Variants in ABCB1 observed in about 807,000 individuals in gnomAD.
ABCB1 encodes the protein ATP-dependent translocase ABCB1.
A neutral mutation model predicts 142.0 loss-of-function variants in ABCB1; 69 were observed. That is an observed-to-expected ratio of 0.49 (90% CI 0.40 to 0.59). ABCB1 has a LOEUF of 0.59. Ranked by LOEUF, ABCB1 falls within the 20% of genes least tolerant of loss-of-function variation. The pLI is 0.00. For missense variants in ABCB1, 1,326 were observed against 1,554.7 expected (o/e 0.85, Z 2.47); for synonymous variants, 532 against 539.2 (o/e 0.99, Z 0.18).
chr7:87,573,997 C>A (rs1379635303), intron 4 of ABCB1, among the ~76,000 whole-genome samples: 2 of 152,128 alleles, frequency 1.3e-5, no homozygotes, highest in African/African-American at 2.4e-5. Flanking sequence ...AAGCTCCACC[C>A]TTTAGACTGA....
At chr7:87,556,220 T>C (rs1485025981) in intron 8 of ABCB1, among the ~76,000 whole-genome samples, 1 of 152,192 alleles carries the variant, frequency 6.6e-6, no homozygotes, top group Non-Finnish European at 1.5e-5. Context: ...TTCTTAAATA[T>C]TGTGAAAATA....
upstream of ABCB1, among the ~76,000 whole-genome samples, chr7:87,601,710 C>T (rs941290494): frequency 6.6e-6 from 1 of 152,238 alleles, no homozygotes; most frequent in African/African-American, 2.4e-5. Context: ...TGCTAACTCA[C>T]ATCAGAGCTT....
intron 1 of ABCB1, chr7:87,650,926 A>G: frequency 6.3e-7 from 1 of 1,590,560 alleles, no homozygotes; most frequent in Non-Finnish European, 8.6e-7. Flanking sequence ...ATTTTAAGCC[A>G]CCGGCTAAAA....
chr7:87,600,055 T>C, intron 2 of ABCB1, 62 bp downstream of exon 2: 1 of 1,423,436 alleles, frequency 7.0e-7, no homozygotes, highest in Non-Finnish European at 9.9e-7. Flanking sequence ...AGCTGGAGGC[T>C]AGAAATAAAT....
chr7:87,509,733 C>G (rs78955225), intron 25 of ABCB1, among the ~76,000 whole-genome samples: 24 of 152,338 alleles, frequency 1.6e-4, no homozygotes, highest in Non-Finnish European at 3.2e-4. Flanking sequence ...AATGTTCCCT[C>G]TCCCACAAGA....
rs982340694 is a variant in ABCB1, at chr7:87,681,476, C to T, written c.-331+31685G>A. On this transcript the variant is annotated intron_variant, in intron 1 of 28. Coordinates refer to the ABCB1 transcript ENST00000265724. Reference sequence around the variant, plus strand: ...CAAGTCACAAAAAATTTTTGGTTTCCCCAGTGCGTATTAAAAGTTGTATTT... The same window carrying T: ...CAAGTCACAAAAAATTTTTGGTTTCTCCAGTGCGTATTAAAAGTTGTATTT... Among the ~76,000 whole-genome samples the T allele has an allele frequency of 3.3e-5, 5 of 150,656 alleles. No individual in the cohort carries two copies. In the East Asian group the frequency reaches 9.9e-4, roughly 30 times the overall value.
chr7:87,666,068 A>G (rs1825209232), intron 1 of ABCB1, among the ~76,000 whole-genome samples: 1 of 152,126 alleles, frequency 6.6e-6, no homozygotes, highest in African/African-American at 2.4e-5. Context: ...ACTGTCTTCC[A>G]CAATGACTGA....
chr7:87,655,295 A>G (rs2130406774), intron 1 of ABCB1, among the ~76,000 whole-genome samples: 1 of 152,268 alleles, frequency 6.6e-6, no homozygotes, highest in Admixed American at 6.5e-5. Flanking sequence ...GATTATTCAC[A>G]CTAGCTAAGA....
At chr7:87,669,607 T>C (rs1001077474) in intron 1 of ABCB1, among the ~76,000 whole-genome samples, 1 of 152,202 alleles carries the variant, frequency 6.6e-6, no homozygotes, top group Admixed American at 6.5e-5. Flanking sequence ...TATTAGCTGG[T>C]ATTGGTCTTT....
chr7:87,593,609 A>G (rs1819082058), intron 3 of ABCB1, among the ~76,000 whole-genome samples: 1 of 152,222 alleles, frequency 6.6e-6, no homozygotes, highest in Non-Finnish European at 1.5e-5. Context: ...CTATCTGTAC[A>G]AACAATATGA....
At chr7:87,677,337 A>T (rs888187709) in intron 1 of ABCB1, among the ~76,000 whole-genome samples, 11 of 135,916 alleles carry the variant, frequency 8.1e-5, no homozygotes, top group African/African-American at 2.6e-4. Flanking sequence ...TTCAGATTTA[A>T]AAAAAAAAAA....
At chr7:87,562,867 A>G (rs946984219) in intron 7 of ABCB1, among the ~76,000 whole-genome samples, 5 of 152,042 alleles carry the variant, frequency 3.3e-5, no homozygotes, top group Non-Finnish European at 7.4e-5. Flanking sequence ...TGGGGTGACA[A>G]GTGGGAGAAT....
At chr7:87,670,490 C>A (rs893482683) in intron 1 of ABCB1, among the ~76,000 whole-genome samples, 1 of 152,250 alleles carries the variant, frequency 6.6e-6, no homozygotes, top group East Asian at 1.9e-4. Context: ...GCCAGTACAG[C>A]CTGATTAAAA....
intron 8 of ABCB1, among the ~76,000 whole-genome samples, chr7:87,559,227 A>G (rs1188408239): frequency 6.6e-6 from 1 of 152,102 alleles, no homozygotes; most frequent in Non-Finnish European, 1.5e-5. Flanking sequence ...GTGGGAGAGA[A>G]GCAGTGGAAA....
At chr7:87,688,329 A>C (rs1452434261) in intron 1 of ABCB1, among the ~76,000 whole-genome samples, 1 of 151,804 alleles carries the variant, frequency 6.6e-6, no homozygotes, top group Non-Finnish European at 1.5e-5. Context: ...GAAAATAATC[A>C]CTACATAGTT....
chr7:87,595,574 T>C (rs1819168164), intron 3 of ABCB1, among the ~76,000 whole-genome samples, 192 bp downstream of exon 3: 4 of 152,112 alleles, frequency 2.6e-5, no homozygotes, highest in Admixed American at 2.6e-4. Flanking sequence ...ATGGTGGCTG[T>C]AGATTAGTAA....
intron 1 of ABCB1, chr7:87,700,527 G>A (rs2130692787): frequency 6.2e-7 from 1 of 1,612,944 alleles, no homozygotes; most frequent in African/African-American, 1.3e-5. Flanking sequence ...TTGAAAATAT[G>A]GAAAATGTCA....
At chr7:87,622,132 T>TA (rs1022148524) in intron 1 of ABCB1, among the ~76,000 whole-genome samples, 2 of 152,132 alleles carry the variant, frequency 1.3e-5, no homozygotes, top group Admixed American at 6.5e-5. Context: ...TTCATTTATA[T>TA]AAAATTTTTT....
In ABCB1 at chr7:87,521,083, C is replaced by T. The variant is rs575430486; in HGVS notation, c.2686-207G>A. 2,289 of 551,558 alleles carry T rather than the reference C, an allele frequency of 4.2e-3. 88 individuals are homozygous for T. In the South Asian group the frequency reaches 0.046, roughly 11 times the overall value. The allele number at this position is 551,558 out of a possible 1,614,324, so 34.2% of individuals were successfully genotyped here. A position where few individuals can be genotyped will look rare whatever the true frequency, so the allele number is the denominator to read the frequency against. Reference sequence around the variant, plus strand: ...GAAGATTGACTAATTCAAACTTCTCCTTTGCAGAAATAGAAGCTAAGACTT... The same window carrying T: ...GAAGATTGACTAATTCAAACTTCTCTTTTGCAGAAATAGAAGCTAAGACTT... On this transcript the variant is annotated intron_variant, in intron 21 of 27. Coordinates refer to ENST00000622132, the MANE Select transcript of ABCB1 (RefSeq NM_001348946.2).
Sources: allele counts gnomAD v4.1 joint callset (sites outside exome capture counted in the v4.1 genomes callset), GRCh38; gene constraint gnomAD v4.1.1; transcripts MANE v1.5; gene names NCBI Gene and HGNC (gene_info 2026-07-23, HGNC 2026-07-21).